TNC: variants seen among roughly 807,000 people sequenced by gnomAD.
TNC encodes tenascin C.
Under a neutral mutation model 202.4 loss-of-function variants are expected in TNC, and 109 were observed. That is an observed-to-expected ratio of 0.54 (90% CI 0.46 to 0.63). TNC has a LOEUF of 0.63. Ranked by LOEUF, TNC falls within the 30% of genes least tolerant of loss-of-function variation. The pLI is 0.00. For missense variants in TNC, 2,756 were observed against 2,833.3 expected (o/e 0.97, Z 0.62); for synonymous variants, 1,007 against 1,089.7 (o/e 0.92, Z 1.50).
intron 10 of TNC, among the ~76,000 whole-genome samples, chr9:115,067,382 C>T (rs1229577230): frequency 6.6e-6 from 1 of 152,242 alleles, no homozygotes; most frequent in African/African-American, 2.4e-5. Context: ...AGGAACTAAT[C>T]TGTCATTGAC....
intron 24 of TNC, among the ~76,000 whole-genome samples, chr9:115,029,988 C>A (rs1179842950): frequency 6.6e-6 from 1 of 152,320 alleles, no homozygotes; most frequent in Non-Finnish European, 1.5e-5. Flanking sequence ...GTCATTTATA[C>A]ATCACAGAGT....
chr9:115,060,856 G>T, intron 13 of TNC, among the ~76,000 whole-genome samples: 1 of 152,156 alleles, frequency 6.6e-6, no homozygotes, highest in Non-Finnish European at 1.5e-5. Context: ...TCTAAAGGAA[G>T]AATGGCTGTA....
At chr9:115,039,587 T>C (rs1588030839) in intron 19 of TNC, among the ~76,000 whole-genome samples, 1 of 152,208 alleles carries the variant, frequency 6.6e-6, no homozygotes, top group East Asian at 1.9e-4. Context: ...ACTACTCAAT[T>C]GTGCCCATGC....
chr9:115,055,195 G>T (rs1419207941), intron 15 of TNC, among the ~76,000 whole-genome samples: 1 of 152,168 alleles, frequency 6.6e-6, no homozygotes, highest in Non-Finnish European at 1.5e-5. Flanking sequence ...ATGAAAAGAT[G>T]ATTTAGAAAT....
chr9:115,098,403 G>A (rs926363798), intron 1 of TNC, among the ~76,000 whole-genome samples: 1 of 152,120 alleles, frequency 6.6e-6, no homozygotes, highest in African/African-American at 2.4e-5. Flanking sequence ...TAACCTTTTG[G>A]AAGCAGCAGG....
intron 20 of TNC, among the ~76,000 whole-genome samples, chr9:115,036,467 A>T (rs574676269): frequency 4.6e-5 from 7 of 152,266 alleles, no homozygotes; most frequent in African/African-American, 1.7e-4. Flanking sequence ...CCAGGCCCCA[A>T]ATCAGAAGGA....
intron 18 of TNC, 81 bp downstream of exon 18, chr9:115,042,138 T>A: frequency 2.0e-6 from 3 of 1,538,244 alleles, no homozygotes; most frequent in Admixed American, 4.0e-5. Flanking sequence ...TGTTAGAGGA[T>A]GAAAATTATC....
chr9:115,115,688 C>G (rs1288041147), intron 1 of TNC, among the ~76,000 whole-genome samples: 2 of 152,146 alleles, frequency 1.3e-5, no homozygotes, highest in East Asian at 3.9e-4. Flanking sequence ...GATGGTGACT[C>G]AGAGGGGCAA....
chr9:115,086,839 C>A lies in TNC; in HGVS notation c.892G>T (p.Glu298Ter). Residue 298 changes from glutamate (E) to a stop codon, truncating the protein, a stop_gained, in exon 3 of 28, where the codon GAG becomes TAG. Coordinates refer to ENST00000350763, the MANE Select transcript of TNC (RefSeq NM_002160.4). LOFTEE classifies it high-confidence loss of function. Reference sequence around the variant, plus strand: ...GTGAAACCCTCATCACACACGCACTCATTCTCCACGCATCGTCCACGGTTG... The same window carrying A: ...GTGAAACCCTCATCACACACGCACTAATTCTCCACGCATCGTCCACGGTTG... ...CYNRGRCVENECVCDEGFTGE... is the reference protein window; with the variant it reads ...CYNRGRCVEN 1 of 1,613,936 alleles carries A rather than the reference C, an allele frequency of 6.2e-7. No homozygotes were observed. Among genetic ancestry groups the A allele is most frequent in the Non-Finnish European group, 8.5e-7 (1 of 1,179,992 alleles).
In TNC at chr9:115,086,999, C is replaced by T; in HGVS notation, c.732G>A (p.Gly244=). ...GVCICFEGYA[G]ADCSREICPV... ...GGCAGATTTCACGGCTGCAGTCAGC[C>T]CCGGCGTAGCCTTCGAAACAGATGC... is the stretch of plus-strand genomic sequence containing the variant. The change falls in exon 3 of 28, where the codon GGG becomes GGA. Residue 244 remains glycine, a synonymous_variant. Transcript: ENST00000350763. 1 of 1,613,546 alleles carries T rather than the reference C, an allele frequency of 6.2e-7. No homozygotes were observed. The highest frequency in any genetic ancestry group is 8.5e-7 in the Non-Finnish European group (1 of 1,179,614).
At chr9:115,069,610 C>T (rs151192189) in intron 10 of TNC, among the ~76,000 whole-genome samples, 1,346 of 19,448 alleles carry the variant, frequency 0.069, 106 homozygotes, top group Non-Finnish European at 0.11. Context: ...CTCCCTCCCT[C>T]CCTCCCTCTC....
intron 22 of TNC, among the ~76,000 whole-genome samples, chr9:115,033,966 A>G (rs1830132761): frequency 6.6e-6 from 1 of 152,238 alleles, no homozygotes. Context: ...ATGTGTACAA[A>G]AGCAGAGATG....
chr9:115,030,494 C>T, intron 23 of TNC, 89 bp from the exon 24 acceptor site: 2 of 1,387,034 alleles, frequency 1.4e-6, no homozygotes, highest in Non-Finnish European at 9.6e-7. Flanking sequence ...GACTAGAATG[C>T]CTGGGGAATT....
chr9:115,032,845 T>C (rs1564412364), intron 22 of TNC, among the ~76,000 whole-genome samples: 1 of 152,226 alleles, frequency 6.6e-6, no homozygotes, highest in Admixed American at 6.5e-5. Flanking sequence ...GAGGAGGTCA[T>C]TGGTTTCAGT....
At chr9:115,066,938 A>G (rs1026421235) in intron 10 of TNC, among the ~76,000 whole-genome samples, 9 of 152,232 alleles carry the variant, frequency 5.9e-5, no homozygotes, top group Admixed American at 5.9e-4. Flanking sequence ...GGCCCTTTAC[A>G]GAAAATGTTT....
Position 115,048,280 on chromosome 9 carries a change from A to G in TNC, c.4832T>C (p.Leu1611Ser), listed in dbSNP as rs1564436048. 1 of 1,613,944 alleles carries G rather than the reference A, an allele frequency of 6.2e-7. No homozygotes were observed. ...AATACCTGTAACAATCTCAGCCCTC[A>G]AGGGCTTGGTTTGATGCCCTTGGGT... is the stretch of plus-strand genomic sequence containing the variant. Reference protein sequence around the residue: ...GFTQGHQTKPLRAEIVTEAEP... With the variant: ...GFTQGHQTKPSRAEIVTEAEP... Residue 1611 changes from leucine to serine, a missense_variant, in exon 16 of 28, where the codon TTG (leucine) becomes TCG (serine). This residue lies in a region of TNC where 2,559 missense variants were observed against 2,546.0 expected (regional missense o/e 1.01). Coordinates refer to ENST00000350763, the MANE Select transcript of TNC (RefSeq NM_002160.4).
At position 115,041,304 on chromosome 9, in the gene TNC, A is replaced by T. The variant is rs62578746; in HGVS notation, c.5249-220T>A. Among the ~76,000 whole-genome samples, 19 of 106,970 alleles carry T rather than the reference A, an allele frequency of 1.8e-4. 1 individual carries two copies. The highest frequency in any genetic ancestry group is 5.1e-4 in the African/African-American group (13 of 25,280). The allele number at this position is 106,970 out of a possible 152,430, so 70.2% of individuals were successfully genotyped here. On this transcript the variant is annotated intron_variant, in intron 18 of 27. Coordinates refer to ENST00000350763, the MANE Select transcript of TNC (RefSeq NM_002160.4). ...TGCAGATGCCAAAAACAAAGCCAGG[A>T]GGGGCGGGGGAAAACATGAAGTCAC...
rs1391232374 is a variant in TNC, at chr9:115,073,706, G to A, written c.3111C>T (p.Ser1037=). 1 of 1,614,070 alleles carries A rather than the reference G, an allele frequency of 6.2e-7. No individual in the cohort carries two copies. Among genetic ancestry groups the A allele is most frequent in the Non-Finnish European group, 8.5e-7 (1 of 1,180,036 alleles). ...CTGGTTCCAGGCCTCTCAGGACATA[G>A]GAAGTGGTGTTTCTTGGAAGCTGCA... ...VGVQLPRNTT[S]YVLRGLEPGQ... Residue 1037 remains serine, a synonymous_variant, in exon 10 of 28, where the codon TCC becomes TCT. Coordinates refer to ENST00000350763, the MANE Select transcript of TNC (RefSeq NM_002160.4).
intron 15 of TNC, among the ~76,000 whole-genome samples, chr9:115,052,168 G>A (rs966972325): frequency 1.3e-5 from 2 of 151,498 alleles, no homozygotes; most frequent in African/African-American, 2.4e-5. Flanking sequence ...CAACACGGAT[G>A]AACCCAGAAG....
Sources: allele counts gnomAD v4.1 joint callset (sites outside exome capture counted in the v4.1 genomes callset), GRCh38; gene constraint gnomAD v4.1.1; regional missense constraint gnomAD v4.1.1; transcripts MANE v1.5; gene names NCBI Gene and HGNC (gene_info 2026-07-23, HGNC 2026-07-21).